SLC1A1: variants seen among roughly 807,000 people sequenced by gnomAD.
The protein encoded by SLC1A1 is solute carrier family 1 member 1.
SLC1A1 carries 43 observed loss-of-function variants against 53.3 expected under a neutral mutation model. That is an observed-to-expected ratio of 0.81 (90% CI 0.63 to 1.04). SLC1A1 has a LOEUF of 1.04. Among genes scored for constraint, SLC1A1 ranks in the 50% least tolerant of loss-of-function variants. SLC1A1 has a pLI of 0.00. For missense variants in SLC1A1, 748 were observed against 664.9 expected (o/e 1.12, Z -1.37); for synonymous variants, 307 against 243.2 (o/e 1.26, Z -2.44).
At chr9:4,565,483 A>G (rs915498115) in intron 4 of SLC1A1, among the ~76,000 whole-genome samples, 4 of 152,224 alleles carry the variant, frequency 2.6e-5, no homozygotes, top group African/African-American at 9.6e-5. Flanking sequence ...GCAAAGGGGA[A>G]GCAAGGCACA....
chr9:4,511,996 G>A (rs1238326807), intron 1 of SLC1A1, among the ~76,000 whole-genome samples: 1 of 152,178 alleles, frequency 6.6e-6, no homozygotes, highest in Non-Finnish European at 1.5e-5. Context: ...GATTAGGTAT[G>A]TAACAAAATA....
intron 1 of SLC1A1, among the ~76,000 whole-genome samples, chr9:4,512,452 G>A (rs538271414): frequency 6.8e-4 from 103 of 152,206 alleles, no homozygotes; most frequent in African/African-American, 2.3e-3. Flanking sequence ...AAGCTGCAGC[G>A]AGCCATGATC....
chr9:4,518,146 G>C (rs1330348169), intron 1 of SLC1A1, among the ~76,000 whole-genome samples: 1 of 135,896 alleles, frequency 7.4e-6, no homozygotes, highest in Non-Finnish European at 1.5e-5. Context: ...TGAGGCAGGA[G>C]AATTGCTGAA....
rs757106211 is a variant in SLC1A1, at chr9:4,585,570, G to A, written c.*12G>A. 1.2e-6 allele frequency: 2 copies of A among 1,614,066 alleles called. No individual in the cohort carries two copies. Among genetic ancestry groups the A allele is most frequent in the African/African-American group, 1.3e-5 (1 of 74,932 alleles). On this transcript the variant is annotated 3_prime_UTR_variant, in exon 12 of 12. Transcript: ENST00000262352. ...CCTCACAGTTCTAGGGCCCCTGGCT[G>A]CAGATGACTGGAAACAAGGAAGGAC...
At chr9:4,500,429 T>A (rs1820593412) in intron 1 of SLC1A1, among the ~76,000 whole-genome samples, 1 of 152,116 alleles carries the variant, frequency 6.6e-6, no homozygotes, top group African/African-American at 2.4e-5. Flanking sequence ...TGCCTCAGCC[T>A]CCCGGGTAGC....
chr9:4,561,307 T>C (rs1175745657), intron 2 of SLC1A1, 142 bp from the exon 3 acceptor site: 6 of 726,098 alleles, frequency 8.3e-6, no homozygotes, highest in East Asian at 7.6e-5. Context: ...AAGTGTTGCT[T>C]TTGCCCATTG....
In SLC1A1 at chr9:4,583,226, C is replaced by T. The variant is rs552622449; in HGVS notation, c.1328+54C>T. 1 of 1,609,432 alleles carries T rather than the reference C, an allele frequency of 6.2e-7. No homozygotes were observed. Among genetic ancestry groups the T allele is most frequent in the Admixed American group, 1.7e-5 (1 of 60,024 alleles). ...CTGGATGTGCAGGCGGGCTTCCCAG[C>T]CTCGCAGGCGCTGCAGTCTGTCATC... On this transcript the variant is annotated intron_variant, in intron 11 of 11. Coordinates refer to ENST00000262352, the MANE Select transcript of SLC1A1 (RefSeq NM_004170.6). The surrounding 1 kb of genome is among the most constrained non-coding windows in gnomAD (Gnocchi z 4.6).
intron 1 of SLC1A1, among the ~76,000 whole-genome samples, chr9:4,531,320 T>A (rs1816461549): frequency 6.6e-6 from 1 of 152,042 alleles, no homozygotes; most frequent in Non-Finnish European, 1.5e-5. Context: ...AAGAAAGGGG[T>A]GACAGATGGC....
chr9:4,498,337 G>C (rs1056273684), intron 1 of SLC1A1, among the ~76,000 whole-genome samples: 2 of 152,098 alleles, frequency 1.3e-5, no homozygotes, highest in Non-Finnish European at 2.9e-5. Context: ...TTATTAGATG[G>C]TTTATTACAA....
chr9:4,507,080 A>C (rs557887520), intron 1 of SLC1A1, among the ~76,000 whole-genome samples: 8 of 152,186 alleles, frequency 5.3e-5, no homozygotes, highest in South Asian at 2.1e-4. Context: ...AAATACAAAA[A>C]AAAATTAGCT....
At position 4,544,550 on chromosome 9, in the gene SLC1A1, A is replaced by G. The variant is rs1227700468; in HGVS notation, c.92-17A>G. 9 of 1,611,688 alleles carry G rather than the reference A, an allele frequency of 5.6e-6. No individual in the cohort carries two copies. Among genetic ancestry groups the G allele is most frequent in the Non-Finnish European group, 8.5e-7 (1 of 1,178,260 alleles). ...ATAATGTTCCTCTTCCTTCTTTCCA[A>G]CTCTTGTTTTCCTTAGGCATTACCA... On this transcript the variant is annotated splice_polypyrimidine_tract_variant and intron_variant, in intron 1 of 11. Coordinates refer to ENST00000262352, the MANE Select transcript of SLC1A1 (RefSeq NM_004170.6).
intron 6 of SLC1A1, among the ~76,000 whole-genome samples, chr9:4,570,843 G>C (rs1379620855): frequency 6.6e-6 from 1 of 151,380 alleles, no homozygotes; most frequent in African/African-American, 2.4e-5. Context: ...CTCCTTTGAG[G>C]AGTTTGAGGC....
chr9:4,562,955 C>G, intron 3 of SLC1A1, among the ~76,000 whole-genome samples: 1 of 111,384 alleles, frequency 9.0e-6, no homozygotes, highest in Non-Finnish European at 1.7e-5. Context: ...ACATCACACT[C>G]TGGGGACTGT....
chr9:4,499,198 CCA>C (rs2130797132), intron 1 of SLC1A1, among the ~76,000 whole-genome samples: 1 of 151,760 alleles, frequency 6.6e-6, no homozygotes, highest in African/African-American at 2.4e-5. Flanking sequence ...GTGCCCACCA[CCA>C]CACCCAGCGA....
At chr9:4,574,150 C>T in intron 8 of SLC1A1, 136 bp downstream of exon 8, 1 of 723,056 alleles carries the variant, frequency 1.4e-6, no homozygotes, top group South Asian at 1.4e-5. Context: ...GATAAGACAG[C>T]AGGGGGAGGA....
At chr9:4,538,756 A>G (rs1365608244) in intron 1 of SLC1A1, among the ~76,000 whole-genome samples, 1 of 152,212 alleles carries the variant, frequency 6.6e-6, no homozygotes, top group Admixed American at 6.5e-5. Context: ...GTATTGGTGG[A>G]GCTACTCAGC....
chr9:4,561,560 T>C lies in SLC1A1; in HGVS notation c.325+19T>C. On this transcript the variant is annotated intron_variant, in intron 3 of 11. Transcript: ENST00000262352. ...ATTCTAGGTAATACTTATTTCTGAA[T>C]CCTTACTACTTTATGTAATGGTGAT... 7.4e-7 allele frequency: 1 copy of C among 1,350,262 alleles called. No individual in the cohort carries two copies. Among genetic ancestry groups the C allele is most frequent in the Non-Finnish European group, 1.1e-6 (1 of 939,204 alleles). The allele number at this position is 1,350,262 out of a possible 1,614,324, so 83.6% of individuals were successfully genotyped here.
chr9:4,521,172 C>G (rs961124757), intron 1 of SLC1A1, among the ~76,000 whole-genome samples: 2 of 152,136 alleles, frequency 1.3e-5, no homozygotes, highest in African/African-American at 4.8e-5. Flanking sequence ...TAGACCCTTA[C>G]CAGATACATA....
At chr9:4,580,798 C>T (rs1821027299) in intron 10 of SLC1A1, among the ~76,000 whole-genome samples, 1 of 151,926 alleles carries the variant, frequency 6.6e-6, no homozygotes, top group Non-Finnish European at 1.5e-5. Flanking sequence ...GTAATAATAC[C>T]AGTGGCAGCA....
Sources: allele counts gnomAD v4.1 joint callset (sites outside exome capture counted in the v4.1 genomes callset), GRCh38; gene constraint gnomAD v4.1.1; non-coding constraint Gnocchi (gnomAD v3.1); transcripts MANE v1.5; gene names NCBI Gene and HGNC (gene_info 2026-07-23, HGNC 2026-07-21).